The following CLUAP1 variants were observed in gnomAD, a reference collection of about 807,000 sequenced individuals.
CLUAP1 encodes the protein intraflagellar transport 38.
CLUAP1 carries 50 observed loss-of-function variants against 55.0 expected under a neutral mutation model. The ratio of observed to expected loss-of-function variants is 0.91; its 90% CI spans 0.72 to 1.15. The LOEUF (loss-of-function observed/expected upper bound fraction) is 1.15, where lower values mean the gene tolerates loss of function less well. Among genes scored for constraint, CLUAP1 ranks in the 50% most tolerant of loss-of-function variants. CLUAP1 has a pLI of 0.00. For missense variants in CLUAP1, 530 were observed against 507.6 expected, an observed-to-expected ratio of 1.04 and a Z score of -0.42; for synonymous variants, 195 against 175.4, an observed-to-expected ratio of 1.11 and a Z score of -0.88.
Position 3,532,767 on chromosome 16 carries a change from A to C in CLUAP1, c.1037-19A>C. 1 of 1,613,646 alleles carries C rather than the reference A, an allele frequency of 6.2e-7. No homozygotes were observed. Among genetic ancestry groups the C allele is most frequent in the Non-Finnish European group, 8.5e-7 (1 of 1,179,648 alleles). On this transcript the variant is annotated intron_variant, in intron 10 of 11. Transcript: ENST00000576634. ...TTTCCAAGATTTTTATGACTTCTTC[A>C]TGCTTTTGTTGTTCTCAGGAAGACC...
chr16:3,497,069 C>T (rs1390488866), upstream of CLUAP1, among the ~76,000 whole-genome samples: 1 of 151,924 alleles, frequency 6.6e-6, no homozygotes, highest in Non-Finnish European at 1.5e-5. Context: ...CAGGCTTTCG[C>T]CATGTTGGCC....
intron 1 of CLUAP1, among the ~76,000 whole-genome samples, chr16:3,502,561 A>G (rs527401804): frequency 6.6e-6 from 1 of 151,914 alleles, no homozygotes; most frequent in African/African-American, 2.4e-5. Context: ...AGCATTAGAG[A>G]TTACTCCTTT....
At chr16:3,533,349 C>T (rs889421745) in intron 11 of CLUAP1, 10 of 578,244 alleles carry the variant, frequency 1.7e-5, no homozygotes, top group Non-Finnish European at 2.2e-5. Flanking sequence ...AGCCTGGAGG[C>T]GGGGAAAGCT....
At chr16:3,513,433 GTTTATTT>G (rs945820752) in intron 5 of CLUAP1, among the ~76,000 whole-genome samples, 1 of 152,050 alleles carries the variant, frequency 6.6e-6, no homozygotes, top group African/African-American at 2.4e-5. Flanking sequence ...CTGGAGTGGT[GTTTATTT>G]TTTATTTTTT....
At chr16:3,518,760 C>A (rs1004300504) in intron 6 of CLUAP1, among the ~76,000 whole-genome samples, 9 of 151,980 alleles carry the variant, frequency 5.9e-5, no homozygotes, top group African/African-American at 2.2e-4. Context: ...TGTACTTAGA[C>A]CAAAAAAATT....
At chr16:3,502,413 C>A (rs1347709036) in intron 1 of CLUAP1, among the ~76,000 whole-genome samples, 1 of 150,650 alleles carries the variant, frequency 6.6e-6, no homozygotes, top group Admixed American at 6.6e-5. Context: ...CACTGCGCTC[C>A]ACCCTGGCCG....
chr16:3,515,789 G>C (rs2037719367), intron 6 of CLUAP1, among the ~76,000 whole-genome samples, 198 bp downstream of exon 6: 1 of 152,078 alleles, frequency 6.6e-6, no homozygotes, highest in African/African-American at 2.4e-5. Context: ...AATAAAAACA[G>C]CTTCTCATGT....
intron 2 of CLUAP1, among the ~76,000 whole-genome samples, chr16:3,505,567 A>AT: frequency 6.6e-6 from 1 of 151,978 alleles, no homozygotes; most frequent in African/African-American, 2.4e-5. Context: ...AAAAAAAAAA[A>AT]AAATCAGTGG....
chr16:3,536,402 T>C lies in CLUAP1; in HGVS notation c.*131T>C. 1 of 885,810 alleles carries C rather than the reference T, an allele frequency of 1.1e-6. No individual in the cohort carries two copies. The highest frequency in any genetic ancestry group is 1.7e-6 in the Non-Finnish European group (1 of 586,606). 54.9% of individuals were successfully genotyped at this position (885,810 alleles called of 1,614,324 possible). A position where few individuals can be genotyped will look rare whatever the true frequency, so the allele number is the denominator to read the frequency against. ...GGACTCATGATCACTGAAGCAATAC[T>C]TATTTCTGCTTTAGCCTCCTATGTT... On this transcript the variant is annotated 3_prime_UTR_variant, in exon 12 of 12. Coordinates refer to ENST00000576634, the MANE Select transcript of CLUAP1 (RefSeq NM_015041.3).
Position 3,508,425 on chromosome 16 carries a change from T to A in CLUAP1, c.356T>A (p.Val119Glu). 1 of 1,588,036 alleles carries A rather than the reference T, an allele frequency of 6.3e-7. No individual in the cohort carries two copies. Among genetic ancestry groups the A allele is most frequent in the South Asian group, 1.2e-5 (1 of 85,038 alleles). Residue 119 changes from valine (V) to glutamate (E), a missense_variant, in exon 4 of 12, where the codon GTA becomes GAA. By Grantham distance (121) the Val-to-Glu change is moderately radical. Transcript: ENST00000576634. ...KTKGMEGSEIVEEDVNKFKFD... is the reference protein window; with the variant it reads ...KTKGMEGSEIEEEDVNKFKFD... ...AAGGGGATGGAGGGCTCTGAAATAG[T>A]AGAGGAAGATGTCAACAAGTTCAAG...
At chr16:3,499,373 T>A (rs1325985594), upstream of CLUAP1, among the ~76,000 whole-genome samples, 1 of 152,236 alleles carries the variant, frequency 6.6e-6, no homozygotes, top group Non-Finnish European at 1.5e-5. Flanking sequence ...TTGATCAACA[T>A]CCTTTCAAGC....
rs963797085 is a variant in CLUAP1 at position 3,506,235 on chromosome 16, T to C, written c.135-96T>C. 3 of 977,354 alleles carry C rather than the reference T, an allele frequency of 3.1e-6. No individual in the cohort carries two copies. In the African/African-American group the frequency reaches 4.8e-5, roughly 16 times the overall value. The allele number at this position is 977,354 out of a possible 1,614,324, so 60.5% of individuals were successfully genotyped here. ...CCACTTGGGGACTTGGAGAGCGTTGTGTTCCAGACCCGCTGTCCTCTCAGT... is the reference window on the plus strand; with the variant it reads ...CCACTTGGGGACTTGGAGAGCGTTGCGTTCCAGACCCGCTGTCCTCTCAGT... On this transcript the variant is annotated intron_variant, in intron 2 of 11. Coordinates refer to ENST00000576634, the MANE Select transcript of CLUAP1 (RefSeq NM_015041.3).
chr16:3,496,892 A>G, upstream of CLUAP1: 1 of 281,742 alleles, frequency 3.5e-6, no homozygotes, highest in South Asian at 3.0e-5. Flanking sequence ...TTTTTTTAAG[A>G]TGGAGTCTCA....
the CLUAP1 span, among the ~76,000 whole-genome samples, chr16:3,495,882 G>T: frequency 6.6e-6 from 1 of 152,166 alleles, no homozygotes; most frequent in Non-Finnish European, 1.5e-5. Context: ...GAGGCAGGCT[G>T]ATCAGTTGAG....
intron 6 of CLUAP1, among the ~76,000 whole-genome samples, chr16:3,516,258 A>G (rs1172210942): frequency 6.6e-6 from 1 of 152,240 alleles, no homozygotes; most frequent in Non-Finnish European, 1.5e-5. Context: ...TATTTTACTC[A>G]GTAGACACGG....
chr16:3,515,427 A>G, intron 5 of CLUAP1, 81 bp from the exon 6 acceptor site: 1 of 970,738 alleles, frequency 1.0e-6, no homozygotes, highest in Non-Finnish European at 1.6e-6. Flanking sequence ...ATCAGTCTAT[A>G]AGGCACATCT....
At chr16:3,529,802 T>TAA (rs1412254573) in intron 9 of CLUAP1, among the ~76,000 whole-genome samples, 7 of 25,826 alleles carry the variant, frequency 2.7e-4, no homozygotes, top group African/African-American at 4.0e-4. Context: ...TATTATATTA[T>TAA]TATATATATA....
chr16:3,512,368 T>G lies in CLUAP1; in HGVS notation c.400-15T>G, dbSNP rs1191792729. ...TCTGTTGCTGAGGTTTCTGTTTTTG[T>G]TATTTTCCTTCCAGATTGCAGATTT... On this transcript the variant is annotated splice_polypyrimidine_tract_variant and intron_variant, in intron 4 of 11. Transcript: ENST00000576634. The G allele has an allele frequency of 6.2e-7, 1 of 1,606,410 alleles. No individual in the cohort carries two copies. The highest frequency in any genetic ancestry group is 8.5e-7 in the Non-Finnish European group (1 of 1,173,162).
intron 8 of CLUAP1, among the ~76,000 whole-genome samples, chr16:3,525,419 C>G (rs1234671628): frequency 6.6e-6 from 1 of 152,158 alleles, no homozygotes; most frequent in East Asian, 1.9e-4. Flanking sequence ...CTTACTCACT[C>G]TCGCTCTCTG....
Sources: gnomAD v4.1 joint callset for allele counts (sites outside exome capture counted in the v4.1 genomes callset) on GRCh38, gnomAD v4.1.1 for gene constraint, MANE v1.5 for transcripts, NCBI Gene and HGNC (gene_info 2026-07-23, HGNC 2026-07-21) for gene names.